The following OR1J2 variants were observed in gnomAD, a reference collection of about 807,000 sequenced individuals.
OR1J2 encodes olfactory receptor 1J2.
For synonymous variants in OR1J2, 142 were observed against 99.7 expected, an observed-to-expected ratio of 1.42 and a Z score of -2.52; for missense variants, 304 against 246.1, an observed-to-expected ratio of 1.24 and a Z score of -1.57.
At chr9:122,477,517 G>C in the OR1J2 span, 26,643 of 1,614,152 alleles carry the variant, frequency 0.017, 382 homozygotes, top group East Asian at 0.072. Flanking sequence ...CTGGCTCTGA[G>C]TCATGATGGT....
chr9:122,455,454 C>CA, the OR1J2 span, among the ~76,000 whole-genome samples: 1 of 152,110 alleles, frequency 6.6e-6, no homozygotes, highest in Non-Finnish European at 1.5e-5. Flanking sequence ...TGACAAATGA[C>CA]ACTGAGCATC....
the OR1J2 span, among the ~76,000 whole-genome samples, chr9:122,494,529 A>G: frequency 6.6e-6 from 1 of 152,062 alleles, no homozygotes; most frequent in Non-Finnish European, 1.5e-5. Flanking sequence ...GTCCATTTGC[A>G]TGGAATATCT....
chr9:122,526,242 A>T, the OR1J2 span: 1 of 505,238 alleles, frequency 2.0e-6, no homozygotes, highest in African/African-American at 1.9e-5. Flanking sequence ...CAAGGCTCAG[A>T]GAGGCTAAGT....
chr9:122,541,289 A>G, the OR1J2 span, among the ~76,000 whole-genome samples: 1 of 152,202 alleles, frequency 6.6e-6, no homozygotes, highest in Admixed American at 6.5e-5. Context: ...AAAATAGAGG[A>G]AACAATCTGA....
At chr9:122,452,262 C>A in the OR1J2 span, among the ~76,000 whole-genome samples, 12 of 152,242 alleles carry the variant, frequency 7.9e-5, no homozygotes, top group Admixed American at 2.6e-4. Context: ...GAGTTTGAGC[C>A]GGTTAAGGAT....
At chr9:122,477,177 G>C in the OR1J2 span, 1 of 1,613,624 alleles carries the variant, frequency 6.2e-7, no homozygotes, top group Non-Finnish European at 8.5e-7. Context: ...TCCGATAATA[G>C]ATAGTCACCA....
chr9:122,478,329 G>A, the OR1J2 span, among the ~76,000 whole-genome samples: 91 of 152,282 alleles, frequency 6.0e-4, no homozygotes, highest in African/African-American at 2.2e-3. Flanking sequence ...AGGAAGAGGA[G>A]AAGCTGGGAT....
chr9:122,470,056 A>G, the OR1J2 span, among the ~76,000 whole-genome samples: 2 of 152,222 alleles, frequency 1.3e-5, no homozygotes, highest in African/African-American at 4.8e-5. Context: ...TCTGAGGAGA[A>G]ATTCAAGCTG....
chr9:122,515,152 A>T (rs1169640581), downstream of OR1J2, among the ~76,000 whole-genome samples: 1 of 152,076 alleles, frequency 6.6e-6, no homozygotes, highest in Non-Finnish European at 1.5e-5. Context: ...TCCATTTCTG[A>T]AGCCTGTAAA....
the OR1J2 span, among the ~76,000 whole-genome samples, chr9:122,523,198 T>G: frequency 5.3e-5 from 8 of 152,080 alleles, no homozygotes; most frequent in African/African-American, 1.7e-4. Flanking sequence ...GTGGACAGAG[T>G]GGGCCAGGGC....
the OR1J2 span, among the ~76,000 whole-genome samples, chr9:122,523,460 G>A: frequency 4.6e-5 from 7 of 152,074 alleles, no homozygotes; most frequent in Non-Finnish European, 1.0e-4. Flanking sequence ...AAGATTACTC[G>A]GGTAACCAAC....
chr9:122,492,577 T>C, the OR1J2 span, among the ~76,000 whole-genome samples: 1 of 152,210 alleles, frequency 6.6e-6, no homozygotes, highest in African/African-American at 2.4e-5. Context: ...ATCTACAAAG[T>C]GCTTTCCACA....
chr9:122,538,313 G>A, the OR1J2 span, among the ~76,000 whole-genome samples: 1 of 152,112 alleles, frequency 6.6e-6, no homozygotes, highest in Admixed American at 6.5e-5. Flanking sequence ...TAAGTGTTTT[G>A]TAGTTGTCCT....
At chr9:122,575,255 G>T in the OR1J2 span, among the ~76,000 whole-genome samples, 1 of 152,074 alleles carries the variant, frequency 6.6e-6, no homozygotes, top group African/African-American at 2.4e-5. Context: ...AGAGATTGTA[G>T]ATAATTAATA....
chr9:122,519,722 C>A, the OR1J2 span: 1 of 1,614,102 alleles, frequency 6.2e-7, no homozygotes, highest in Non-Finnish European at 8.5e-7. Flanking sequence ...ACATCTCCCT[C>A]AATGAGCTGG....
At chr9:122,545,890 T>G in the OR1J2 span, among the ~76,000 whole-genome samples, 4 of 149,598 alleles carry the variant, frequency 2.7e-5, no homozygotes, top group Non-Finnish European at 5.9e-5. Context: ...GTGGTATATT[T>G]ATCAGTGGAG....
At chr9:122,450,820 A>T in the OR1J2 span, among the ~76,000 whole-genome samples, 1 of 152,094 alleles carries the variant, frequency 6.6e-6, no homozygotes, top group African/African-American at 2.4e-5. Context: ...ACTGTTTTAG[A>T]TTTCACATAT....
chr9:122,497,015 G>T, the OR1J2 span, among the ~76,000 whole-genome samples: 1 of 152,016 alleles, frequency 6.6e-6, no homozygotes, highest in African/African-American at 2.4e-5. Context: ...CATCCTAAAG[G>T]CCAGTCTTAC....
the OR1J2 span, chr9:122,477,881 C>G: frequency 6.2e-7 from 1 of 1,611,662 alleles, no homozygotes; most frequent in Non-Finnish European, 8.5e-7. Flanking sequence ...ATGGGGAGGC[C>G]CAGGAGGAGG....
Sources: allele counts gnomAD v4.1 joint callset (sites outside exome capture counted in the v4.1 genomes callset), GRCh38; gene constraint gnomAD v4.1.1; transcripts MANE v1.5; gene names NCBI Gene and HGNC (gene_info 2026-07-23, HGNC 2026-07-21).